OAT: variants seen among roughly 807,000 people sequenced by gnomAD.
OAT encodes the protein ornithine aminotransferase.
Under a neutral mutation model 48.4 loss-of-function variants are expected in OAT, and 35 were observed. That is an observed-to-expected ratio of 0.72 (90% CI 0.55 to 0.96). The LOEUF (loss-of-function observed/expected upper bound fraction) is 0.96, where lower values mean the gene tolerates loss of function less well. Among genes scored for constraint, OAT ranks in the 40% least tolerant of loss-of-function variants. OAT has a pLI of 0.00. For synonymous variants in OAT, 182 were observed against 198.4 expected (o/e 0.92, Z 0.70); for missense variants, 438 against 537.9 (o/e 0.81, Z 1.84).
At chr10:124,404,434 AT>A (rs937392696) in intron 5 of OAT, among the ~76,000 whole-genome samples, 1 of 150,150 alleles carries the variant, frequency 6.7e-6, no homozygotes, top group East Asian at 2.0e-4. Flanking sequence ...CGCCCAGCTA[AT>A]TTTTTTTTGT....
At chr10:124,406,135 G>A (rs1473708894) in intron 4 of OAT, 2 of 984,014 alleles carry the variant, frequency 2.0e-6, no homozygotes, top group Non-Finnish European at 1.2e-6. Flanking sequence ...CTTTCTGCTG[G>A]AATATTTTTT....
At position 124,416,794 on chromosome 10, in the gene OAT, G is replaced by A. The variant is rs551030779; in HGVS notation, c.-30+2079C>T. On this transcript the variant is annotated intron_variant, in intron 1 of 9. Transcript: ENST00000368845. ...AGCCACTTAAAATATTCAACTTGAG[G>A]AGTAAATTTGTTCTTGCTATTTTGA... Among the ~76,000 whole-genome samples, 5 of 151,906 alleles carry A rather than the reference G, an allele frequency of 3.3e-5. No homozygotes were observed. The East Asian group carries it at 9.7e-4, about 29-fold the overall frequency.
rs757744354 is a variant in OAT, at chr10:124,401,738, G to A, written c.1002C>T (p.Ile334=). The change falls in exon 8 of 10, where the codon ATC becomes ATT. Residue 334 remains isoleucine, a synonymous_variant. Coordinates refer to ENST00000368845, the MANE Select transcript of OAT (RefSeq NM_000274.4). Reference sequence around the variant, plus strand: ...TATCAGTCTTTACCTCAAGGGCTGCGATGGCCACTCGGCAGCCTAGTGGAT... The same window carrying A: ...TATCAGTCTTTACCTCAAGGGCTGCAATGGCCACTCGGCAGCCTAGTGGAT... The part of the protein sequence containing the change: ...GGNPLGCRVA[I]AALEVLEEEN... The A allele has an allele frequency of 1.6e-5, 26 of 1,610,442 alleles. No individual in the cohort carries two copies. Among genetic ancestry groups the A allele is most frequent in the African/African-American group, 4.0e-5 (3 of 74,832 alleles).
intron 9 of OAT, among the ~76,000 whole-genome samples, chr10:124,399,812 A>ACC (rs928126191): frequency 6.6e-6 from 1 of 151,976 alleles, no homozygotes; most frequent in African/African-American, 2.4e-5. Context: ...TTTATTATTG[A>ACC]CCCCATAACT....
At chr10:124,416,614 C>T (rs1951925458) in intron 1 of OAT, among the ~76,000 whole-genome samples, 1 of 152,180 alleles carries the variant, frequency 6.6e-6, no homozygotes, top group South Asian at 2.1e-4. Flanking sequence ...GTCCTTCAGG[C>T]TACCATTACT....
At chr10:124,399,338 C>CTT (rs937720307) in intron 9 of OAT, among the ~76,000 whole-genome samples, 2,262 of 58,410 alleles carry the variant, frequency 0.039, 83 homozygotes, top group Admixed American at 0.078. Context: ...CCAGGTGATT[C>CTT]TTTTTTTTTT....
chr10:124,403,096 G>A (rs370424757), intron 6 of OAT, 41 bp from the exon 7 acceptor site: 169 of 1,610,854 alleles, frequency 1.0e-4, no homozygotes, highest in Non-Finnish European at 1.3e-4. Context: ...GATCACTTTC[G>A]TTTCCACAGG....
chr10:124,397,945 G>A lies in OAT; in HGVS notation c.1317C>T (p.Phe439=). 1 of 1,613,728 alleles carries A rather than the reference G, an allele frequency of 6.2e-7. No individual in the cohort carries two copies. The highest frequency in any genetic ancestry group is 8.5e-7 in the Non-Finnish European group (1 of 1,179,844). ...IEIINKTILS[F] ...CACTGAAAACAGCTGGCTACCCTCA[G>A]AAAGACAAGATGGTCTTGTTAATAA... The change falls in exon 10 of 10, where the codon TTC becomes TTT. Residue 439 remains phenylalanine (F), a synonymous_variant. Coordinates refer to ENST00000368845, the MANE Select transcript of OAT (RefSeq NM_000274.4).
chr10:124,408,778 T>G lies in OAT; in HGVS notation c.387A>C (p.Lys129Asn). The G allele has an allele frequency of 1.9e-6, 3 of 1,612,152 alleles. No individual in the cohort carries two copies. Among genetic ancestry groups the G allele is most frequent in the Non-Finnish European group, 2.5e-6 (3 of 1,179,474 alleles). The change falls in exon 3 of 10, where the codon AAA becomes AAC. Residue 129 changes from lysine to asparagine, a missense_variant. By Grantham distance (94) the Lys-to-Asn change is moderately conservative. Coordinates refer to ENST00000368845, the MANE Select transcript of OAT (RefSeq NM_000274.4). ...VLGEYEEYIT[K>N]LFNYHKVLPM... is the part of the protein sequence containing the mutation. ...GAAGAACTTTGTGGTAGTTGAAAAGTTTAGTAATATACTCCTCATATTCAC... is the reference window on the plus strand; with the variant it reads ...GAAGAACTTTGTGGTAGTTGAAAAGGTTAGTAATATACTCCTCATATTCAC...
rs536554244 is a variant in OAT, at chr10:124,409,558, A to T, written c.200-593T>A. On this transcript the variant is annotated intron_variant, in intron 2 of 9. Coordinates refer to ENST00000368845, the MANE Select transcript of OAT (RefSeq NM_000274.4). ...AGAGCAAAATCCTGCCTATAAAAAA[A>T]AAAAATAAAATAAATAAAATTTAAA... Among the ~76,000 whole-genome samples, 258 of 60,260 alleles carry T rather than the reference A, an allele frequency of 4.3e-3. 2 individuals carry two copies. The highest frequency in any genetic ancestry group is 0.012 in the African/African-American group (222 of 18,744). 39.5% of individuals were successfully genotyped at this position (60,260 alleles called of 152,430 possible). A position where few individuals can be genotyped will look rare whatever the true frequency, so the allele number is the denominator to read the frequency against.
At chr10:124,400,794 G>A (rs767408708) in intron 9 of OAT, 46 bp downstream of exon 9, 7 of 1,393,098 alleles carry the variant, frequency 5.0e-6, no homozygotes, top group African/African-American at 2.8e-5. Flanking sequence ...GTGTATTTTA[G>A]GTCTTCCTTA....
At position 124,402,919 on chromosome 10, in the gene OAT, A is replaced by C; in HGVS notation, c.900+8T>G. ...AGGAAATGGAAAGAGGGGGAACATGAAACTTACAGGGTATAAGCCCCCAGA... is the reference window on the plus strand; with the variant it reads ...AGGAAATGGAAAGAGGGGGAACATGCAACTTACAGGGTATAAGCCCCCAGA... On this transcript the variant is annotated splice_region_variant and intron_variant, in intron 7 of 9. Transcript: ENST00000368845. 2 of 1,613,450 alleles carry C rather than the reference A, an allele frequency of 1.2e-6. No individual in the cohort carries two copies. The highest frequency in any genetic ancestry group is 1.7e-6 in the Non-Finnish European group (2 of 1,179,864).
At position 124,406,999 on chromosome 10, in the gene OAT, G is replaced by C. The variant is rs80129054; in HGVS notation, c.521-1436C>G. ...AAAATAACAGAGAGGTTGGGAGTTT[G>C]TGACATCATGTTTTTATCTTCTCAC... On this transcript the variant is annotated intron_variant, in intron 4 of 9. Coordinates refer to ENST00000368845, the MANE Select transcript of OAT (RefSeq NM_000274.4). The C allele has an allele frequency of 1.6e-3, 1,624 of 985,346 alleles. 22 individuals are homozygous for C. The African/African-American group carries it at 0.027, about 16-fold the overall frequency. The allele number at this position is 985,346 out of a possible 1,614,324, so 61.0% of individuals were successfully genotyped here. A position where few individuals can be genotyped will look rare whatever the true frequency, so the allele number is the denominator to read the frequency against.
Position 124,415,074 on chromosome 10 carries a change from T to TGTGTTGCTA in OAT, c.-29-2875_-29-2874insTAGCAACAC, listed in dbSNP as rs1564742697. The TGTGTTGCTA allele has an allele frequency of 3.6e-4, 6 of 16,854 alleles. 1 individual carries two copies. The highest frequency in any genetic ancestry group is 2.5e-4 in the Non-Finnish European group (2 of 8,032). 1.0% of individuals were successfully genotyped at this position (16,854 alleles called of 1,614,324 possible). On this transcript the variant is annotated intron_variant, in intron 1 of 9. Coordinates refer to ENST00000368845, the MANE Select transcript of OAT (RefSeq NM_000274.4). ...CACTCCAGCCTGGGCTACAAAGCGC[T>TGTGTTGCTA]AAAAAAAAAAAAAAAAAAAAAAAAA...
intron 1 of OAT, among the ~76,000 whole-genome samples, chr10:124,416,866 TAAAAAAAA>T (rs5788661): frequency 1.4e-5 from 2 of 144,424 alleles, no homozygotes; most frequent in Non-Finnish European, 3.0e-5. Context: ...TACAGGCCTT[TAAAAAAAA>T]AAAAAAAAAA....
chr10:124,404,010 G>A, intron 5 of OAT, 90 bp from the exon 6 acceptor site: 1 of 1,509,346 alleles, frequency 6.6e-7, no homozygotes, highest in Non-Finnish European at 9.2e-7. Context: ...TTTACATTAA[G>A]TATGCAAATC....
intron 9 of OAT, among the ~76,000 whole-genome samples, chr10:124,400,291 T>C (rs1175169061): frequency 1.3e-5 from 2 of 150,574 alleles, no homozygotes; most frequent in African/African-American, 4.9e-5. Flanking sequence ...CTACCAAAAA[T>C]ACAAAAATTA....
In OAT at chr10:124,404,308, C is replaced by T. The variant is rs150036154; in HGVS notation, c.649-388G>A. ...TTGGAGATGGAGTCTCACTCTGTCA[C>T]CCAGGCTGGAGTGCAGTGGCACGAT... On this transcript the variant is annotated intron_variant, in intron 5 of 9. Transcript: ENST00000368845. 5.6e-4 allele frequency among the ~76,000 whole-genome samples: 85 copies of T among 151,476 alleles called. No homozygotes were observed. In the East Asian group the frequency reaches 0.015, roughly 27 times the overall value.
In OAT at chr10:124,408,958, G is replaced by A; in HGVS notation, c.207C>T (p.Tyr69=). 6.2e-7 allele frequency: 1 copy of A among 1,610,228 alleles called. No homozygotes were observed. Among genetic ancestry groups the A allele is most frequent in the Non-Finnish European group, 8.5e-7 (1 of 1,176,614 alleles). The change falls in exon 3 of 10, where the codon TAC becomes TAT. Residue 69 remains tyrosine, a synonymous_variant. Coordinates refer to ENST00000368845, the MANE Select transcript of OAT (RefSeq NM_000274.4). The part of the protein sequence containing the change: ...PVALERGKGI[Y]LWDVEGRKYF... ...ATTTTCTGCCTTCTACATCCCATAA[G>A]TAAATACCTAAAATACATAAGAAAG...
Sources: allele counts gnomAD v4.1 joint callset (sites outside exome capture counted in the v4.1 genomes callset), GRCh38; gene constraint gnomAD v4.1.1; transcripts MANE v1.5; gene names NCBI Gene and HGNC (gene_info 2026-07-23, HGNC 2026-07-21).